Variants in KCMF1 observed in about 807,000 individuals in gnomAD.
KCMF1 encodes potassium channel modulatory factor 1, also known as E3 ubiquitin-protein ligase KCMF1.
KCMF1 carries 3 observed loss-of-function variants against 41.1 expected under a neutral mutation model. The observed-to-expected ratio is 0.07, with a 90% confidence interval of 0.03 to 0.19. The LOEUF (loss-of-function observed/expected upper bound fraction) is 0.19. Among genes scored for constraint, KCMF1 ranks in the 10% least tolerant of loss-of-function variants. The pLI, the probability that KCMF1 is intolerant of heterozygous loss-of-function variation, is 1.00. For synonymous variants in KCMF1, 142 were observed against 164.5 expected, an observed-to-expected ratio of 0.86 and a Z score of 1.04; for missense variants, 286 against 488.9, an observed-to-expected ratio of 0.58 and a Z score of 3.91.
rs942705271 is a variant in KCMF1, at chr2:85,059,423, T to C, written c.*6014T>C. 1 of 152,224 alleles carries C rather than the reference T, an allele frequency of 6.6e-6. No individual in the cohort carries two copies. Among genetic ancestry groups the C allele is most frequent in the Non-Finnish European group, 1.5e-5 (1 of 68,042 alleles). The allele number at this position is 152,224 out of a possible 1,614,324, so 9.4% of individuals were successfully genotyped here. On this transcript the variant is annotated 3_prime_UTR_variant, in exon 7 of 7. Coordinates refer to ENST00000409785, the MANE Select transcript of KCMF1 (RefSeq NM_020122.5). ...GATTACCTTTTATAACATCACCACCTGTCATGAAGCTTATCTGTTTTCTGA... is the reference window on the plus strand; with the variant it reads ...GATTACCTTTTATAACATCACCACCCGTCATGAAGCTTATCTGTTTTCTGA...
chr2:85,039,408 G>A (rs767882925), intron 3 of KCMF1, among the ~76,000 whole-genome samples: 1 of 152,074 alleles, frequency 6.6e-6, no homozygotes, highest in African/African-American at 2.4e-5. Flanking sequence ...AATTGTATGG[G>A]GAAAAATGTG....
At chr2:84,992,364 T>G (rs890222530) in intron 1 of KCMF1, among the ~76,000 whole-genome samples, 4 of 152,018 alleles carry the variant, frequency 2.6e-5, no homozygotes, top group Non-Finnish European at 4.4e-5. Context: ...CAAGTGATTC[T>G]CCTGCCTCAG....
chr2:85,043,308 A>G (rs1448360253), intron 3 of KCMF1, among the ~76,000 whole-genome samples: 2 of 152,206 alleles, frequency 1.3e-5, no homozygotes, highest in African/African-American at 4.8e-5. Context: ...TAGACCATAC[A>G]AATGAATCAG....
chr2:85,000,394 A>G (rs1175288991), intron 1 of KCMF1, among the ~76,000 whole-genome samples: 2 of 152,236 alleles, frequency 1.3e-5, no homozygotes, highest in Admixed American at 1.3e-4. Flanking sequence ...AAGTGCTGGG[A>G]TTACAGCCGT....
rs1191532051 is a variant in KCMF1, at chr2:85,026,335, C to T, written c.17-1554C>T. Among the ~76,000 whole-genome samples, 4 of 151,444 alleles carry T rather than the reference C, an allele frequency of 2.6e-5. No homozygotes were observed. In the East Asian group the frequency reaches 7.7e-4, roughly 29 times the overall value. ...TTAAACAAATACAAATGAGATCTCTCTATGTTGCCTTGGCTGGTCTTGAAC... is the reference window on the plus strand; with the variant it reads ...TTAAACAAATACAAATGAGATCTCTTTATGTTGCCTTGGCTGGTCTTGAAC... On this transcript the variant is annotated intron_variant, in intron 1 of 6. Coordinates refer to ENST00000409785, the MANE Select transcript of KCMF1 (RefSeq NM_020122.5).
intron 1 of KCMF1, among the ~76,000 whole-genome samples, chr2:84,990,091 A>G (rs1674001682): frequency 6.6e-6 from 1 of 152,216 alleles, no homozygotes; most frequent in African/African-American, 2.4e-5. Flanking sequence ...AAAGGTCAAG[A>G]AGATAAGGAA....
chr2:84,980,705 A>G (rs1325411436), intron 1 of KCMF1, among the ~76,000 whole-genome samples: 1 of 151,766 alleles, frequency 6.6e-6, no homozygotes, highest in Admixed American at 6.6e-5. Context: ...CCAGTGACAT[A>G]AACAAGGCTT....
chr2:85,034,000 TGGTGGGA>T (rs2104039125), intron 2 of KCMF1, among the ~76,000 whole-genome samples: 1 of 149,310 alleles, frequency 6.7e-6, no homozygotes, highest in Non-Finnish European at 1.5e-5. Flanking sequence ...CTAGGCAACA[TGGTGGGA>T]CCCCATCTTT....
chr2:85,057,019 T>C lies in KCMF1; in HGVS notation c.*3610T>C, dbSNP rs565782945. On this transcript the variant is annotated 3_prime_UTR_variant, in exon 7 of 7. Coordinates refer to ENST00000409785, the MANE Select transcript of KCMF1 (RefSeq NM_020122.5). Reference sequence around the variant, plus strand: ...GTGAAACCCCATCTCTACTAAAAAATACAAAAAGTTAGCTGGGCATGGTGG... The same window carrying C: ...GTGAAACCCCATCTCTACTAAAAAACACAAAAAGTTAGCTGGGCATGGTGG... 2 of 151,882 alleles carry C rather than the reference T, an allele frequency of 1.3e-5. No individual in the cohort carries two copies. The highest frequency in any genetic ancestry group is 4.8e-5 in the African/African-American group (2 of 41,420). The allele number at this position is 151,882 out of a possible 1,614,324, so 9.4% of individuals were successfully genotyped here.
intron 3 of KCMF1, among the ~76,000 whole-genome samples, chr2:85,040,301 A>G (rs1478228352): frequency 1.3e-5 from 2 of 152,196 alleles, no homozygotes; most frequent in Non-Finnish European, 2.9e-5. Flanking sequence ...ACAAGCTGTC[A>G]TAATTTTAGG....
chr2:85,002,976 G>A (rs1674370715), intron 1 of KCMF1, among the ~76,000 whole-genome samples: 1 of 152,124 alleles, frequency 6.6e-6, no homozygotes, highest in African/African-American at 2.4e-5. Context: ...AGAGTAAAAT[G>A]TTGTAGATAT....
chr2:84,991,431 A>G (rs1674041467), intron 1 of KCMF1, among the ~76,000 whole-genome samples: 1 of 152,238 alleles, frequency 6.6e-6, no homozygotes, highest in Admixed American at 6.5e-5. Context: ...CAGCAATATC[A>G]TTAGAAATCT....
chr2:84,987,042 C>G (rs1303106981), intron 1 of KCMF1, among the ~76,000 whole-genome samples: 1 of 152,086 alleles, frequency 6.6e-6, no homozygotes, highest in African/African-American at 2.4e-5. Flanking sequence ...AGGCCTTTGT[C>G]AAGATGAAAT....
At chr2:85,010,059 C>T (rs1355891676) in intron 1 of KCMF1, among the ~76,000 whole-genome samples, 2 of 152,208 alleles carry the variant, frequency 1.3e-5, no homozygotes, top group African/African-American at 4.8e-5. Context: ...TTTTCACATC[C>T]AGAATTGTAT....
chr2:84,975,223 CAG>C (rs1379656125), intron 1 of KCMF1, among the ~76,000 whole-genome samples: 1 of 151,826 alleles, frequency 6.6e-6, no homozygotes, highest in African/African-American at 2.4e-5. Context: ...GCCTGGGCGA[CAG>C]AGTGAGAATC....
intron 1 of KCMF1, among the ~76,000 whole-genome samples, chr2:84,983,095 CATTGGAAGAGAAATAACAA>C (rs780822245): frequency 2.6e-5 from 4 of 152,110 alleles, no homozygotes; most frequent in Non-Finnish European, 5.9e-5. Context: ...TAAAAGCCAC[CATTGGAAGAGAAATAACAA>C]ATCTACTTGC....
chr2:85,007,659 G>A (rs1029950195), intron 1 of KCMF1, among the ~76,000 whole-genome samples: 2 of 152,200 alleles, frequency 1.3e-5, no homozygotes, highest in African/African-American at 2.4e-5. Context: ...ATAAGATACG[G>A]GGACTGGGCC....
intron 2 of KCMF1, 133 bp from the exon 3 acceptor site, chr2:85,034,883 A>G (rs1255374860): frequency 1.9e-5 from 13 of 681,620 alleles, no homozygotes; most frequent in Non-Finnish European, 2.8e-5. Context: ...TGTCCTCCCA[A>G]CGTGCTGGGA....
chr2:84,993,043 C>T (rs1367920859), intron 1 of KCMF1, among the ~76,000 whole-genome samples: 2 of 151,708 alleles, frequency 1.3e-5, no homozygotes, highest in Non-Finnish European at 2.9e-5. Flanking sequence ...AATATTAAGC[C>T]GGGCATGGTG....
Sources: allele counts gnomAD v4.1 joint callset (sites outside exome capture counted in the v4.1 genomes callset), GRCh38; gene constraint gnomAD v4.1.1; transcripts MANE v1.5; gene names NCBI Gene and HGNC (gene_info 2026-07-23, HGNC 2026-07-21).